The following MACROD1 variants were observed in gnomAD, a reference collection of about 807,000 sequenced individuals.
The protein encoded by MACROD1 is ADP-ribose glycohydrolase MACROD1.
A neutral mutation model predicts 41.4 loss-of-function variants in MACROD1; 31 were observed. The ratio of observed to expected loss-of-function variants is 0.75; its 90% CI spans 0.56 to 1.01. MACROD1 has a LOEUF of 1.01. Ranked by LOEUF, MACROD1 falls within the 50% of genes least tolerant of loss-of-function variation. MACROD1 has a pLI of 0.00. For synonymous variants in MACROD1, 252 were observed against 203.4 expected (o/e 1.24, Z -2.03); for missense variants, 473 against 460.0 (o/e 1.03, Z -0.26).
At chr11:64,011,033 GATGTTGGCTGGCGTGTTGGCTGGC>G (rs1943007924) in intron 4 of MACROD1, among the ~76,000 whole-genome samples, 1 of 143,124 alleles carries the variant, frequency 7.0e-6, no homozygotes, top group Non-Finnish European at 1.5e-5. Flanking sequence ...TGTTGGTTGG[GATGTTGGCTGGCGTGTTGGCTGGC>G]ATGTTGGTTG....
intron 4 of MACROD1, among the ~76,000 whole-genome samples, chr11:64,005,640 G>C (rs1942898389): frequency 6.6e-6 from 1 of 152,262 alleles, no homozygotes; most frequent in African/African-American, 2.4e-5. Context: ...TCACGCCTCT[G>C]AAATGAGCTT....
At chr11:64,157,573 T>C (rs1198605337) in intron 1 of MACROD1, among the ~76,000 whole-genome samples, 1 of 152,182 alleles carries the variant, frequency 6.6e-6, no homozygotes, top group Non-Finnish European at 1.5e-5. Context: ...TAAAAAGATG[T>C]CCGCAGTAAA....
chr11:64,157,586 T>C (rs1945688462), intron 1 of MACROD1, among the ~76,000 whole-genome samples: 1 of 152,186 alleles, frequency 6.6e-6, no homozygotes, highest in South Asian at 2.1e-4. Context: ...GCAGTAAATT[T>C]TGATGGAGAG....
At position 64,082,853 on chromosome 11, in the gene MACROD1, A is replaced by T. The variant is rs1480368348; in HGVS notation, c.518-67572T>A. On this transcript the variant is annotated intron_variant, in intron 3 of 10. Transcript: ENST00000255681. This position sits in a 1 kb window ranked among gnomAD's most constrained non-coding sequence, Gnocchi z 4.5. ...ACGACCCACAGGGCACCAGACACCG[A>T]GGTAGGCAGGGCTGTGCCTGCTCCA... is the stretch of plus-strand genomic sequence containing the variant. The T allele has an allele frequency of 6.6e-6, 1 of 152,334 alleles. No homozygotes were observed. The highest frequency in any genetic ancestry group is 2.4e-5 in the African/African-American group (1 of 41,390). The allele number at this position is 152,334 out of a possible 1,614,324, so 9.4% of individuals were successfully genotyped here.
At chr11:64,061,362 G>C (rs2325718) in intron 3 of MACROD1, among the ~76,000 whole-genome samples, 4,511 of 152,238 alleles carry the variant, frequency 0.03, 216 homozygotes, top group African/African-American at 0.1. Flanking sequence ...GGAGGTGAGG[G>C]CCCTCTGCTA....
chr11:64,021,759 G>A (rs1330701989), intron 3 of MACROD1, among the ~76,000 whole-genome samples: 2 of 151,976 alleles, frequency 1.3e-5, no homozygotes, highest in African/African-American at 4.8e-5. Flanking sequence ...TCTGACAAGT[G>A]TGCAGCCAGC....
chr11:64,020,643 T>G (rs1943140697), intron 3 of MACROD1, among the ~76,000 whole-genome samples: 1 of 152,052 alleles, frequency 6.6e-6, no homozygotes, highest in Non-Finnish European at 1.5e-5. Context: ...TGCCACCTCC[T>G]CAGGTCTCCT....
chr11:64,106,723 G>A (rs1212301835), intron 3 of MACROD1, among the ~76,000 whole-genome samples: 2 of 152,172 alleles, frequency 1.3e-5, no homozygotes, highest in African/African-American at 4.8e-5. Context: ...AGGCGGCTGA[G>A]GAGAGAAGCA....
intron 3 of MACROD1, chr11:64,118,052 G>C (rs1417992326): frequency 4.3e-6 from 7 of 1,613,188 alleles, no homozygotes; most frequent in Non-Finnish European, 5.9e-6. Flanking sequence ...GGGGCAGCAG[G>C]AAAAAGGATG....
intron 3 of MACROD1, among the ~76,000 whole-genome samples, chr11:64,022,542 C>T (rs565127965): frequency 2.0e-5 from 3 of 152,140 alleles, no homozygotes; most frequent in Non-Finnish European, 2.9e-5. Context: ...GGTGGGTATC[C>T]GTGTGACTTG....
chr11:64,066,294 CAAAAAAA>C (rs59963244), intron 3 of MACROD1, among the ~76,000 whole-genome samples: 2 of 50,936 alleles, frequency 3.9e-5, no homozygotes, highest in Non-Finnish European at 8.6e-5. Context: ...GAGACTGTCT[CAAAAAAA>C]AAAAAAAAAA....
chr11:64,000,248 C>T lies in MACROD1; in HGVS notation c.643G>A (p.Gly215Ser), dbSNP rs865793467. The change falls in exon 5 of 11, where the codon GGC becomes AGC. Residue 215 changes from glycine to serine, a missense_variant. By Grantham distance (56) the Gly-to-Ser change is moderately conservative. Transcript: ENST00000255681. The stretch of plus-strand genomic sequence containing the variant: ...TCACACTTGGCCGGGAGCCGATAGC[C>T]GCCGGTGATCTTGGCCTTGCCAGTC... ...CKTGKAKITG[G>S]YRLPAKYVIH... 6 of 1,607,130 alleles carry T rather than the reference C, an allele frequency of 3.7e-6. No individual in the cohort carries two copies. The highest frequency in any genetic ancestry group is 3.4e-5 in the Admixed American group (2 of 59,356).
intron 3 of MACROD1, among the ~76,000 whole-genome samples, chr11:64,052,404 T>G (rs1943711396): frequency 6.6e-6 from 1 of 152,216 alleles, no homozygotes; most frequent in African/African-American, 2.4e-5. Flanking sequence ...CTCAAATTCC[T>G]GGCCTCAAGC....
At chr11:64,062,633 G>A (rs1431575724) in intron 3 of MACROD1, among the ~76,000 whole-genome samples, 4 of 112,274 alleles carry the variant, frequency 3.6e-5, no homozygotes, top group South Asian at 6.0e-4. Flanking sequence ...GCAAAGGCAC[G>A]TGGCCCTGCC....
chr11:64,083,827 C>T (rs868782897), intron 3 of MACROD1, among the ~76,000 whole-genome samples: 1 of 152,286 alleles, frequency 6.6e-6, no homozygotes, highest in Middle Eastern at 3.4e-3. Context: ...ATCAACAGAC[C>T]GACGGATCTG....
At chr11:64,050,811 G>A (rs778201730) in intron 3 of MACROD1, among the ~76,000 whole-genome samples, 14 of 152,240 alleles carry the variant, frequency 9.2e-5, no homozygotes, top group Non-Finnish European at 5.9e-5. Flanking sequence ...TTGAGATGGG[G>A]TTCTGTCATG....
At chr11:64,004,360 A>G (rs1013206296) in intron 4 of MACROD1, among the ~76,000 whole-genome samples, 1 of 152,244 alleles carries the variant, frequency 6.6e-6, no homozygotes, top group Non-Finnish European at 1.5e-5. Context: ...GCTTAGGATG[A>G]GTTGGCCGCT....
Position 64,036,762 on chromosome 11 carries a change from T to A in MACROD1, c.518-21481A>T, listed in dbSNP as rs946387211. Among the ~76,000 whole-genome samples, 55 of 152,110 alleles carry A rather than the reference T, an allele frequency of 3.6e-4. No homozygotes were observed. Among genetic ancestry groups the A allele is most frequent in the African/African-American group, 1.3e-3 (54 of 41,448 alleles). On this transcript the variant is annotated intron_variant, in intron 3 of 10. Transcript: ENST00000255681. This position sits in a 1 kb window ranked among gnomAD's most constrained non-coding sequence, Gnocchi z 5.6. ...CGGGCGGGGGCTGGGGCCGTACACC[T>A]GGCGGCTGGAACGGTGAGACCATGG...
intron 4 of MACROD1, chr11:64,009,013 T>C (rs1303223503): frequency 6.6e-6 from 1 of 152,172 alleles, no homozygotes; most frequent in Non-Finnish European, 1.5e-5. Flanking sequence ...AGATGAATAA[T>C]TGAAACGCTC....
Sources: allele counts gnomAD v4.1 joint callset (sites outside exome capture counted in the v4.1 genomes callset), GRCh38; gene constraint gnomAD v4.1.1; non-coding constraint Gnocchi (gnomAD v3.1); transcripts MANE v1.5; gene names NCBI Gene and HGNC (gene_info 2026-07-23, HGNC 2026-07-21).